RGS6: variants seen among roughly 807,000 people sequenced by gnomAD.
RGS6 encodes the protein regulator of G-protein signaling 6.
Under a neutral mutation model 78.5 loss-of-function variants are expected in RGS6, and 30 were observed. That is an observed-to-expected ratio of 0.38 (90% CI 0.29 to 0.52). The LOEUF is 0.52. Ranked by LOEUF, RGS6 falls within the 20% of genes least tolerant of loss-of-function variation. RGS6 has a pLI of 0.85. For synonymous variants in RGS6, 206 were observed against 206.0 expected (o/e 1.00, Z 0.00); for missense variants, 495 against 609.7 (o/e 0.81, Z 1.98).
At chr14:72,125,456 C>T (rs911962063) in intron 2 of RGS6, among the ~76,000 whole-genome samples, 3 of 152,148 alleles carry the variant, frequency 2.0e-5, no homozygotes, top group African/African-American at 7.2e-5. Flanking sequence ...GATAACCCAA[C>T]CAGGCCCCTT....
intron 2 of RGS6, among the ~76,000 whole-genome samples, chr14:72,336,962 T>A (rs760847619): frequency 1.3e-5 from 2 of 152,192 alleles, no homozygotes; most frequent in Non-Finnish European, 2.9e-5. Flanking sequence ...AGATCCACAC[T>A]AACAACCTCA....
In RGS6 at chr14:72,023,505, T is replaced by G. The variant is rs1004429549; in HGVS notation, c.84+58630T>G. Reference sequence around the variant, plus strand: ...TTTAGAAATCAGAGTTCTGAAAATGTTTGCTCAAAATGTCAAGGGGTGAAA... The same window carrying G: ...TTTAGAAATCAGAGTTCTGAAAATGGTTGCTCAAAATGTCAAGGGGTGAAA... On this transcript the variant is annotated intron_variant, in intron 2 of 17. Coordinates refer to ENST00000553525, the MANE Select transcript of RGS6 (RefSeq NM_001204424.2). Among the ~76,000 whole-genome samples, 8 of 128,710 alleles carry G rather than the reference T, an allele frequency of 6.2e-5. No individual in the cohort carries two copies. In the South Asian group the frequency reaches 1.9e-3, roughly 31 times the overall value. The allele number at this position is 128,710 out of a possible 152,430, so 84.4% of individuals were successfully genotyped here.
intron 3 of RGS6, among the ~76,000 whole-genome samples, chr14:72,435,210 A>T (rs572185932): frequency 1.8e-4 from 28 of 152,334 alleles, no homozygotes; most frequent in African/African-American, 6.5e-4. Context: ...CTTCTTGGGT[A>T]TATTTCCTCA....
At chr14:72,495,347 A>G in intron 13 of RGS6, 85 bp downstream of exon 13, 1 of 925,518 alleles carries the variant, frequency 1.1e-6, no homozygotes, top group South Asian at 1.3e-5. Context: ...TTCTATCTTA[A>G]TTTGACATTT....
the RGS6 span, among the ~76,000 whole-genome samples, chr14:72,580,363 G>A: frequency 7.0e-6 from 1 of 143,430 alleles, no homozygotes; most frequent in African/African-American, 2.6e-5. Flanking sequence ...GAAGCAATCA[G>A]CTCCCATCCT....
chr14:72,166,028 A>T (rs933772061), intron 2 of RGS6, among the ~76,000 whole-genome samples: 5 of 146,950 alleles, frequency 3.4e-5, no homozygotes, highest in African/African-American at 1.2e-4. Flanking sequence ...ATGTATCTGA[A>T]TGTTGTAAAA....
chr14:72,380,357 G>A (rs1185723461), intron 3 of RGS6, among the ~76,000 whole-genome samples: 1 of 151,694 alleles, frequency 6.6e-6, no homozygotes, highest in Non-Finnish European at 1.5e-5. Context: ...GTACAGTAAA[G>A]GAAACAAGAA....
chr14:72,193,373 C>T (rs1462152770), intron 2 of RGS6, among the ~76,000 whole-genome samples: 1 of 152,184 alleles, frequency 6.6e-6, no homozygotes, highest in East Asian at 1.9e-4. Context: ...GCAACTGCTC[C>T]CTCTAATGGG....
chr14:72,496,126 T>C (rs2096641697), intron 13 of RGS6, among the ~76,000 whole-genome samples: 1 of 152,180 alleles, frequency 6.6e-6, no homozygotes, highest in Non-Finnish European at 1.5e-5. Flanking sequence ...TTCTAAAAAG[T>C]TCAAATTATC....
intron 2 of RGS6, among the ~76,000 whole-genome samples, chr14:72,142,312 TAAA>T (rs566188728): frequency 2.1e-5 from 3 of 143,922 alleles, no homozygotes; most frequent in East Asian, 4.0e-4. Flanking sequence ...ATAAAGTGAT[TAAA>T]AAAAAAAAAG....
At chr14:72,058,862 A>T (rs946166244) in intron 2 of RGS6, among the ~76,000 whole-genome samples, 1 of 152,174 alleles carries the variant, frequency 6.6e-6, no homozygotes, top group African/African-American at 2.4e-5. Flanking sequence ...ACCATCAAAT[A>T]AGTAGTTAAT....
intron 2 of RGS6, among the ~76,000 whole-genome samples, chr14:71,981,942 C>G (rs1187346768): frequency 6.6e-6 from 1 of 151,390 alleles, no homozygotes; most frequent in African/African-American, 2.4e-5. Context: ...AGCGAGACTC[C>G]GTGGGCGTAG....
In RGS6 at chr14:72,510,208, A is replaced by G. The variant is rs1189224593; in HGVS notation, c.1020A>G (p.Ile340Met). The stretch of plus-strand genomic sequence containing the variant: ...GATGGGGCTTCTCTTTCGATGAGAT[A>G]TTGAAGGACCAGGTGGGGCGGGACC... ...VKRWGFSFDEILKDQVGRDQF... is the reference protein window; with the variant it reads ...VKRWGFSFDEMLKDQVGRDQF... Residue 340 changes from isoleucine to methionine, a missense_variant, in exon 14 of 18, where the codon ATA becomes ATG. Coordinates refer to ENST00000553525, the MANE Select transcript of RGS6 (RefSeq NM_001204424.2). The G allele has an allele frequency of 1.3e-5, 21 of 1,613,984 alleles. No individual in the cohort carries two copies. Among genetic ancestry groups the G allele is most frequent in the Non-Finnish European group, 1.7e-5 (20 of 1,179,968 alleles).
intron 2 of RGS6, among the ~76,000 whole-genome samples, chr14:71,982,132 G>A (rs1238387804): frequency 2.0e-5 from 3 of 152,186 alleles, no homozygotes; most frequent in African/African-American, 7.2e-5. Context: ...GCAACGCCTC[G>A]CCCTGCTTCG....
At chr14:72,488,855 T>G (rs1254539854) in intron 12 of RGS6, among the ~76,000 whole-genome samples, 1 of 152,180 alleles carries the variant, frequency 6.6e-6, no homozygotes, top group African/African-American at 2.4e-5. Flanking sequence ...TGTGACCACA[T>G]CGAGGATCTG....
intron 2 of RGS6, among the ~76,000 whole-genome samples, chr14:72,311,065 C>T (rs11848731): frequency 0.05 from 7,572 of 152,206 alleles, 556 homozygotes; most frequent in African/African-American, 0.17. Flanking sequence ...TGTGCGATCA[C>T]TCTAGCCGAA....
intron 17 of RGS6, among the ~76,000 whole-genome samples, chr14:72,543,891 A>G (rs148330919): frequency 0.014 from 2,188 of 152,284 alleles, 53 homozygotes; most frequent in African/African-American, 0.05. Context: ...ACACGCCACC[A>G]CACCCGGCTA....
the RGS6 span, among the ~76,000 whole-genome samples, chr14:71,906,041 G>C: frequency 6.6e-6 from 1 of 152,152 alleles, no homozygotes; most frequent in African/African-American, 2.4e-5. Context: ...CAAAATAGTA[G>C]CTCCCTGCTG....
At chr14:71,971,064 A>C (rs1489429192) in intron 2 of RGS6, among the ~76,000 whole-genome samples, 1 of 152,172 alleles carries the variant, frequency 6.6e-6, no homozygotes, top group Non-Finnish European at 1.5e-5. Flanking sequence ...TCTGTGATGA[A>C]AGGTTGAGGA....
Sources: gnomAD v4.1 joint callset for allele counts (sites outside exome capture counted in the v4.1 genomes callset) on GRCh38, gnomAD v4.1.1 for gene constraint, MANE v1.5 for transcripts, NCBI Gene and HGNC (gene_info 2026-07-23, HGNC 2026-07-21) for gene names.